Variants in KMT2E observed in about 807,000 individuals in gnomAD.
The protein encoded by KMT2E is lysine methyltransferase 2E (inactive).
KMT2E carries 30 observed loss-of-function variants against 184.6 expected under a neutral mutation model. The observed-to-expected ratio is 0.16, with a 90% CI of 0.12 to 0.22. KMT2E has a LOEUF of 0.22. KMT2E is among the 10% of genes least tolerant of loss of function. The pLI, the probability that KMT2E is intolerant of heterozygous loss-of-function variation, is 1.00. For synonymous variants in KMT2E, 815 were observed against 776.5 expected (o/e 1.05, Z -0.82); for missense variants, 2,023 against 2,237.4 (o/e 0.90, Z 1.93).
At chr7:105,091,113 C>T (rs934979590) in intron 14 of KMT2E, 103 bp from the exon 15 acceptor site, 3 of 591,214 alleles carry the variant, frequency 5.1e-6, no homozygotes, top group Admixed American at 3.4e-5. Flanking sequence ...AGGCTGTGTA[C>T]ATGTTGAATT....
At chr7:105,049,624 C>T (rs748816648) in intron 3 of KMT2E, among the ~76,000 whole-genome samples, 1 of 152,074 alleles carries the variant, frequency 6.6e-6, no homozygotes, top group Non-Finnish European at 1.5e-5. Flanking sequence ...GGCGCGGTGG[C>T]TCACGCCTGT....
intron 1 of KMT2E, among the ~76,000 whole-genome samples, chr7:105,024,270 T>C (rs767347009): frequency 6.6e-6 from 1 of 152,204 alleles, no homozygotes; most frequent in Non-Finnish European, 1.5e-5. Context: ...ATAATTTGAA[T>C]TGACTGTGTG....
chr7:105,110,355 A>G lies in KMT2E; in HGVS notation c.3831A>G (p.Lys1277=). The change falls in exon 24 of 27, where the codon AAA becomes AAG. Residue 1277 remains lysine, a synonymous_variant. Transcript: ENST00000311117. ...QRALLLSDHR[K]DKDSGGESPC... ...CTTTACTTCTCAGTGATCACCGAAA[A>G]GATAAAGATAGTGGTAAGTGAGCTT... 1.9e-6 allele frequency: 3 copies of G among 1,614,166 alleles called. No individual in the cohort carries two copies. Among genetic ancestry groups the G allele is most frequent in the African/African-American group, 1.3e-5 (1 of 75,056 alleles).
In KMT2E at chr7:105,106,544, A is replaced by G. The variant is rs766256921; in HGVS notation, c.2619A>G (p.Lys873=). 6.2e-7 allele frequency: 1 copy of G among 1,611,486 alleles called. No individual in the cohort carries two copies. Among genetic ancestry groups the G allele is most frequent in the Admixed American group, 1.7e-5 (1 of 60,022 alleles). ...CAGATTTAACTACACCACTAAAAAA[A>G]CGAAGATTTTATCAGTTGCTAGATT... ...SLPDLTTPLK[K]RRFYQLLDSV... The change falls in exon 20 of 27, where the codon AAA becomes AAG. Residue 873 remains lysine (K), a synonymous_variant. Coordinates refer to ENST00000311117, the MANE Select transcript of KMT2E (RefSeq NM_182931.3).
At chr7:105,104,194 T>G (rs773713935) in intron 17 of KMT2E, 3 of 152,182 alleles carry the variant, frequency 2.0e-5, no homozygotes, top group Non-Finnish European at 4.4e-5. Context: ...ACAATATGAA[T>G]GGTTACTCGT....
intron 6 of KMT2E, among the ~76,000 whole-genome samples, chr7:105,071,600 A>G (rs1320567010): frequency 1.5e-5 from 1 of 66,116 alleles, no homozygotes; most frequent in African/African-American, 6.5e-5. Context: ...ATATATATAT[A>G]TATATATATT....
intron 26 of KMT2E, 62 bp downstream of exon 26, chr7:105,110,930 TG>T: frequency 8.9e-7 from 1 of 1,129,384 alleles, no homozygotes; most frequent in Non-Finnish European, 1.3e-6. Context: ...GAAAAGCTGA[TG>T]GTTATAATAT....
chr7:105,072,071 G>T (rs770731010), intron 6 of KMT2E, among the ~76,000 whole-genome samples: 5 of 151,870 alleles, frequency 3.3e-5, no homozygotes, highest in Non-Finnish European at 4.4e-5. Flanking sequence ...CAGCACTTTG[G>T]GGGAGGCCCA....
chr7:105,056,753 C>G (rs1010096930), intron 3 of KMT2E, among the ~76,000 whole-genome samples: 2 of 152,150 alleles, frequency 1.3e-5, no homozygotes, highest in African/African-American at 4.8e-5. Flanking sequence ...AGAACAAATT[C>G]TGAACAAGTA....
chr7:105,102,287 AAT>A, intron 17 of KMT2E, 93 bp downstream of exon 17: 2 of 1,048,572 alleles, frequency 1.9e-6, no homozygotes, highest in Non-Finnish European at 2.7e-6. Context: ...AAGACCTCAT[AAT>A]AATAAGAGGC....
At chr7:105,037,529 G>GT (rs765918721) in intron 1 of KMT2E, among the ~76,000 whole-genome samples, 1 of 151,722 alleles carries the variant, frequency 6.6e-6, no homozygotes, top group Non-Finnish European at 1.5e-5. Flanking sequence ...CATCCAGCTA[G>GT]TTTTTGTATT....
chr7:105,035,031 T>A (rs1795582253), intron 1 of KMT2E, among the ~76,000 whole-genome samples: 1 of 149,234 alleles, frequency 6.7e-6, no homozygotes, highest in South Asian at 2.1e-4. Flanking sequence ...AATTTTTTTT[T>A]TTTTTTTTTT....
intron 15 of KMT2E, among the ~76,000 whole-genome samples, chr7:105,096,616 T>C (rs1471983397): frequency 2.0e-5 from 3 of 152,216 alleles, no homozygotes; most frequent in African/African-American, 7.2e-5. Flanking sequence ...CTTTCAGTTT[T>C]ATTCATTGTT....
At chr7:105,071,572 A>G (rs1246693952) in intron 6 of KMT2E, among the ~76,000 whole-genome samples, 23 of 68,740 alleles carry the variant, frequency 3.3e-4, no homozygotes, top group East Asian at 9.3e-4. Context: ...GTATGTATGT[A>G]TGTGTGTGTG....
chr7:105,022,222 T>C (rs757132262), intron 1 of KMT2E, among the ~76,000 whole-genome samples: 19 of 152,172 alleles, frequency 1.2e-4, no homozygotes, highest in Admixed American at 6.5e-4. Flanking sequence ...GTCCCTATTA[T>C]GTCCTTTATT....
chr7:105,017,268 C>T (rs1047337728), intron 1 of KMT2E, among the ~76,000 whole-genome samples: 5 of 152,146 alleles, frequency 3.3e-5, no homozygotes, highest in African/African-American at 1.2e-4. Flanking sequence ...CAGGTCTAGA[C>T]AGACAAAGCA....
intron 3 of KMT2E, among the ~76,000 whole-genome samples, chr7:105,060,783 G>T (rs1386078029): frequency 6.6e-6 from 1 of 151,898 alleles, no homozygotes; most frequent in African/African-American, 2.4e-5. Flanking sequence ...ACTTAGCATT[G>T]TGTTACCTAC....
intron 1 of KMT2E, among the ~76,000 whole-genome samples, chr7:105,023,429 CAA>C (rs1245232004): frequency 8.1e-6 from 1 of 122,816 alleles, no homozygotes; most frequent in Non-Finnish European, 1.6e-5. Flanking sequence ...AAAAGAGAGA[CAA>C]AAATTCATTA....
intron 6 of KMT2E, among the ~76,000 whole-genome samples, chr7:105,071,621 T>A (rs1182544927): frequency 3.2e-5 from 4 of 123,896 alleles, no homozygotes; most frequent in African/African-American, 1.2e-4. Context: ...TTTTTTTTTT[T>A]TTTTTTTTTT....
Sources: allele counts gnomAD v4.1 joint callset (sites outside exome capture counted in the v4.1 genomes callset), GRCh38; gene constraint gnomAD v4.1.1; transcripts MANE v1.5; gene names NCBI Gene and HGNC (gene_info 2026-07-23, HGNC 2026-07-21).